PLSCR1: variants seen among roughly 807,000 people sequenced by gnomAD.
PLSCR1 encodes the protein PL scramblase 1.
PLSCR1 carries 17 observed loss-of-function variants against 37.8 expected under a neutral mutation model. That is an observed-to-expected ratio of 0.45 (90% CI 0.31 to 0.68). PLSCR1 has a LOEUF of 0.68. Among genes scored for constraint, PLSCR1 ranks in the 30% least tolerant of loss-of-function variants. The probability of loss-of-function intolerance (pLI) is 0.06; values close to 1 mark genes in which losing one functional copy is unlikely to be tolerated. For missense variants in PLSCR1, 347 were observed against 380.9 expected, an observed-to-expected ratio of 0.91 and a Z score of 0.74; for synonymous variants, 116 against 125.9, an observed-to-expected ratio of 0.92 and a Z score of 0.53.
At position 146,544,563 on chromosome 3, in the gene PLSCR1, A is replaced by G. The variant is rs888300284; in HGVS notation, c.-110T>C. The stretch of plus-strand genomic sequence containing the variant: ...CTTCTGCGCCTCTAGACTGCCGGGC[A>G]CAGCTGCTGCGCAACCTTCTCAGAA... On this transcript the variant is annotated 5_prime_UTR_variant, in exon 1 of 9. Coordinates refer to ENST00000342435, the MANE Select transcript of PLSCR1 (RefSeq NM_021105.3). 6.6e-6 allele frequency: 1 copy of G among 152,338 alleles called. No individual in the cohort carries two copies. The highest frequency in any genetic ancestry group is 2.4e-5 in the African/African-American group (1 of 41,450). The allele number at this position is 152,338 out of a possible 1,614,324, so 9.4% of individuals were successfully genotyped here.
At chr3:146,533,390 TACTC>T (rs2044224575) in intron 3 of PLSCR1, 76 bp downstream of exon 3, 9 of 683,800 alleles carry the variant, frequency 1.3e-5, no homozygotes, top group Non-Finnish European at 2.0e-5. Flanking sequence ...CTCTCTCTCT[TACTC>T]TCTCTCTCCC....
intron 2 of PLSCR1, among the ~76,000 whole-genome samples, chr3:146,535,121 C>G (rs2044248905): frequency 6.6e-6 from 1 of 152,126 alleles, no homozygotes; most frequent in Non-Finnish European, 1.5e-5. Flanking sequence ...GTTGGAAACA[C>G]AGCATCAGAC....
intron 3 of PLSCR1, among the ~76,000 whole-genome samples, chr3:146,532,193 G>C (rs543508598): frequency 6.6e-6 from 1 of 152,098 alleles, no homozygotes; most frequent in African/African-American, 2.4e-5. Context: ...TATCTGAACT[G>C]TATTATTTAT....
chr3:146,528,837 A>G lies in PLSCR1; in HGVS notation c.95-6T>C. On this transcript the variant is annotated splice_polypyrimidine_tract_variant and splice_region_variant and intron_variant, in intron 3 of 8. Coordinates refer to ENST00000342435, the MANE Select transcript of PLSCR1 (RefSeq NM_021105.3). Reference sequence around the variant, plus strand: ...GCCACTATATCCTGGAGGTCCTGAAATACAAACAAGTGAAATGATTTGTAA... The same window carrying G: ...GCCACTATATCCTGGAGGTCCTGAAGTACAAACAAGTGAAATGATTTGTAA... 2.5e-6 allele frequency: 4 copies of G among 1,605,294 alleles called. No individual in the cohort carries two copies. Among genetic ancestry groups the G allele is most frequent in the Non-Finnish European group, 3.4e-6 (4 of 1,174,320 alleles).
intron 5 of PLSCR1, among the ~76,000 whole-genome samples, chr3:146,523,478 T>C (rs936793945): frequency 6.6e-6 from 1 of 152,258 alleles, no homozygotes; most frequent in Admixed American, 6.5e-5. Context: ...TTATAAACCT[T>C]ACTTATGTCT....
At position 146,517,156 on chromosome 3, in the gene PLSCR1, A is replaced by T. The variant is rs191550740; in HGVS notation, c.750T>A (p.Leu250=). 29 of 1,522,420 alleles carry T rather than the reference A, an allele frequency of 1.9e-5. No homozygotes were observed. The highest frequency in any genetic ancestry group is 1.2e-4 in the Admixed American group (5 of 43,004). The allele number at this position is 1,522,420 out of a possible 1,614,324, so 94.3% of individuals were successfully genotyped here. The change falls in exon 8 of 9, where the codon CTT becomes CTA. Residue 250 remains leucine (L), a synonymous_variant. Transcript: ENST00000342435. ...CGDVDFEIKS[L]DEQCVVGKIS... ...TTTTGCCAACCACACACTGTTCATC[A>T]AGAGATTTAATCTAAATTGAAAAAA...
rs1444983263 is a variant in PLSCR1, at chr3:146,521,835, C to T, written c.574G>A (p.Glu192Lys). ...SSCCCPCCLQ[E>K]IEIQAPPGVP... is the part of the protein sequence containing the mutation. ...TGCCCTGGTAATTGATCACAGACCT[C>T]CTGAAGGCAGCAGGGACAACAACAG... Residue 192 changes from glutamate (E) to lysine (K), a missense_variant and splice_region_variant, in exon 6 of 9, where the codon GAG becomes AAG. By Grantham distance (56) the Glu-to-Lys change is moderately conservative (BLOSUM62 1). Coordinates refer to ENST00000342435, the MANE Select transcript of PLSCR1 (RefSeq NM_021105.3). 6.2e-7 allele frequency: 1 copy of T among 1,610,934 alleles called. No homozygotes were observed. Among genetic ancestry groups the T allele is most frequent in the Admixed American group, 1.7e-5 (1 of 59,978 alleles).
chr3:146,524,010 C>T (rs2044070357), intron 5 of PLSCR1, among the ~76,000 whole-genome samples: 1 of 152,192 alleles, frequency 6.6e-6, no homozygotes, highest in Non-Finnish European at 1.5e-5. Flanking sequence ...CTTCACAAGT[C>T]TTACCACCAT....
intron 1 of PLSCR1, among the ~76,000 whole-genome samples, chr3:146,543,820 A>G (rs1173314636): frequency 6.6e-6 from 1 of 152,220 alleles, no homozygotes; most frequent in Non-Finnish European, 1.5e-5. Flanking sequence ...AACATATATA[A>G]GAAGAAAGTG....
chr3:146,520,924 T>C (rs1413351997), intron 7 of PLSCR1, among the ~76,000 whole-genome samples: 1 of 152,198 alleles, frequency 6.6e-6, no homozygotes, highest in Non-Finnish European at 1.5e-5. Context: ...ATTGTAAAAG[T>C]AGACCATCTG....
intron 1 of PLSCR1, among the ~76,000 whole-genome samples, chr3:146,539,217 G>C (rs1215237651): frequency 6.6e-6 from 1 of 152,206 alleles, no homozygotes; most frequent in Non-Finnish European, 1.5e-5. Context: ...TTCTCATAAG[G>C]AGTGCGCAAC....
chr3:146,527,441 G>A (rs1226859660), intron 4 of PLSCR1, among the ~76,000 whole-genome samples: 9 of 152,158 alleles, frequency 5.9e-5, no homozygotes, highest in Admixed American at 4.6e-4. Context: ...ATGCCAGACT[G>A]TACTCCATAA....
chr3:146,541,390 C>T (rs1465811811), intron 1 of PLSCR1, among the ~76,000 whole-genome samples: 3 of 152,178 alleles, frequency 2.0e-5, no homozygotes, highest in Non-Finnish European at 4.4e-5. Flanking sequence ...TGCTTTACTA[C>T]TCTGAAAAGC....
rs771170030 is a variant in PLSCR1 at position 146,528,849 on chromosome 3, G to GA, written c.95-19dup. ...TGGAGGTCCTGAAATACAAACAAGT[G>GA]AAATGATTTGTAACTGCACCAAAAA... On this transcript the variant is annotated intron_variant, in intron 3 of 8. Coordinates refer to ENST00000342435, the MANE Select transcript of PLSCR1 (RefSeq NM_021105.3). The GA allele has an allele frequency of 3.2e-6, 5 of 1,577,756 alleles. No homozygotes were observed. The highest frequency in any genetic ancestry group is 4.3e-6 in the Non-Finnish European group (5 of 1,150,418).
intron 7 of PLSCR1, among the ~76,000 whole-genome samples, chr3:146,520,503 C>T (rs2044004376): frequency 6.6e-6 from 1 of 152,146 alleles, no homozygotes; most frequent in African/African-American, 2.4e-5. Flanking sequence ...TATACATACA[C>T]ACATTATATA....
chr3:146,516,115 A>G lies in PLSCR1; in HGVS notation c.901-14T>C. On this transcript the variant is annotated splice_polypyrimidine_tract_variant and intron_variant, in intron 8 of 8. Coordinates refer to ENST00000342435, the MANE Select transcript of PLSCR1 (RefSeq NM_021105.3). The stretch of plus-strand genomic sequence containing the variant: ...AAACATGAAGTCCTAGATAAAAACA[A>G]AAGTATACAAATGAATTTTCAACAA... The G allele has an allele frequency of 1.3e-6, 2 of 1,566,470 alleles. No homozygotes were observed. Among genetic ancestry groups the G allele is most frequent in the Non-Finnish European group, 1.8e-6 (2 of 1,140,184 alleles).
chr3:146,522,595 G>A (rs201504574), intron 5 of PLSCR1, among the ~76,000 whole-genome samples: 1 of 152,116 alleles, frequency 6.6e-6, no homozygotes, highest in African/African-American at 2.4e-5. Flanking sequence ...GCCAGGTATT[G>A]TCCAAGGTTT....
intron 1 of PLSCR1, among the ~76,000 whole-genome samples, chr3:146,539,326 G>A (rs889293510): frequency 2.0e-5 from 3 of 152,210 alleles, no homozygotes; most frequent in Non-Finnish European, 4.4e-5. Flanking sequence ...AGGTGGTAAT[G>A]TATGTGAGCG....
chr3:146,539,124 G>A lies in PLSCR1; in HGVS notation c.-13-2559C>T, dbSNP rs114395140. Among the ~76,000 whole-genome samples the A allele has an allele frequency of 4.4e-3, 664 of 152,278 alleles. 15 individuals carry two copies. Among genetic ancestry groups the A allele is most frequent in the Non-Finnish European group, 2.3e-3 (154 of 68,016 alleles). On this transcript the variant is annotated intron_variant, in intron 1 of 8. Coordinates refer to ENST00000342435, the MANE Select transcript of PLSCR1 (RefSeq NM_021105.3). ...CAATTCATTATAAGGTAGAATCAGT[G>A]GGAGCCCTGAGCTTGTTTTCCCGCA...
Sources: gnomAD v4.1 joint callset for allele counts (sites outside exome capture counted in the v4.1 genomes callset) on GRCh38, gnomAD v4.1.1 for gene constraint, MANE v1.5 for transcripts, NCBI Gene and HGNC (gene_info 2026-07-23, HGNC 2026-07-21) for gene names.